DLGAP1: variants seen among roughly 807,000 people sequenced by gnomAD.
The protein encoded by DLGAP1 is disks large-associated protein 1.
In DLGAP1, 11 loss-of-function variants were observed where a neutral mutation model predicts 90.8. That is an observed-to-expected ratio of 0.12 (90% CI 0.08 to 0.20). The LOEUF (loss-of-function observed/expected upper bound fraction) is 0.20, where lower values mean the gene tolerates loss of function less well. Among genes scored for constraint, DLGAP1 ranks in the 10% least tolerant of loss-of-function variants. DLGAP1 has a pLI of 1.00. For synonymous variants in DLGAP1, 558 were observed against 540.7 expected (o/e 1.03, Z -0.44); for missense variants, 1,050 against 1,333.8 (o/e 0.79, Z 3.31).
At chr18:3,813,535 A>G (rs1409020601) in intron 5 of DLGAP1, among the ~76,000 whole-genome samples, 2 of 152,196 alleles carry the variant, frequency 1.3e-5, no homozygotes, top group African/African-American at 4.8e-5. Context: ...ATTGTAATAC[A>G]TATCGAGTGC....
chr18:3,968,123 G>A (rs1254348237), intron 3 of DLGAP1, among the ~76,000 whole-genome samples: 1 of 152,156 alleles, frequency 6.6e-6, no homozygotes, highest in Non-Finnish European at 1.5e-5. Context: ...TTTTGATCAT[G>A]TTTAGATGAA....
chr18:3,878,162 A>T (rs1016973034), intron 4 of DLGAP1: 1 of 146,884 alleles, frequency 6.8e-6, no homozygotes, highest in African/African-American at 2.5e-5. Context: ...TAGCTCAGTA[A>T]TTTTTTTTTT....
intron 7 of DLGAP1, among the ~76,000 whole-genome samples, chr18:3,626,363 G>A (rs1023317014): frequency 1.3e-5 from 2 of 151,866 alleles, no homozygotes; most frequent in Non-Finnish European, 2.9e-5. Flanking sequence ...GGAGGCTGAG[G>A]TGGGAGGATT....
At chr18:4,369,053 T>A (rs934787428) in intron 1 of DLGAP1, among the ~76,000 whole-genome samples, 3 of 152,172 alleles carry the variant, frequency 2.0e-5, no homozygotes, top group African/African-American at 7.2e-5. Flanking sequence ...CAGCTCTTTT[T>A]ATCAGGGAAG....
chr18:4,335,670 G>A (rs2081053780), intron 1 of DLGAP1, among the ~76,000 whole-genome samples: 1 of 152,114 alleles, frequency 6.6e-6, no homozygotes, highest in Non-Finnish European at 1.5e-5. Flanking sequence ...TCACATCCAA[G>A]CTTATGCACT....
chr18:3,593,802 C>T (rs1444442254), intron 7 of DLGAP1: 1 of 152,134 alleles, frequency 6.6e-6, no homozygotes, highest in Non-Finnish European at 1.5e-5. Context: ...ACTGGCTGCG[C>T]TGCTAATCAA....
chr18:4,037,563 A>T (rs537477974), intron 2 of DLGAP1, among the ~76,000 whole-genome samples: 15 of 152,284 alleles, frequency 9.9e-5, no homozygotes, highest in Non-Finnish European at 5.9e-5. Context: ...CTTTGTTCTG[A>T]GCTGCGCCAT....
intron 1 of DLGAP1, among the ~76,000 whole-genome samples, chr18:4,292,532 TTATAA>T (rs1206368455): frequency 3.5e-4 from 54 of 152,198 alleles, no homozygotes; most frequent in Admixed American, 6.5e-4. Flanking sequence ...TTTGCTCATA[TTATAA>T]TATACTTTAC....
chr18:3,792,682 C>G lies in DLGAP1; in HGVS notation c.1172+21377G>C, dbSNP rs535077288. The stretch of plus-strand genomic sequence containing the variant: ...ACCTGACAATGTGTGGCACCACCAT[C>G]TGCGGCCACACCTCACCATACAGGC... On this transcript the variant is annotated intron_variant, in intron 5 of 12. Transcript: ENST00000315677. 2.6e-5 allele frequency among the ~76,000 whole-genome samples: 4 copies of G among 152,324 alleles called. No homozygotes were observed. In the East Asian group the frequency reaches 7.7e-4, roughly 29 times the overall value.
intron 4 of DLGAP1, among the ~76,000 whole-genome samples, chr18:3,838,131 T>C (rs1401508057): frequency 1.3e-5 from 2 of 152,152 alleles, no homozygotes; most frequent in African/African-American, 2.4e-5. Flanking sequence ...CTTCAGTTAG[T>C]GAATGAAAGA....
At chr18:3,752,706 G>A (rs936503978) in intron 5 of DLGAP1, among the ~76,000 whole-genome samples, 3 of 146,384 alleles carry the variant, frequency 2.0e-5, no homozygotes, top group African/African-American at 7.6e-5. Flanking sequence ...GCAGTGGCAT[G>A]ATCACAGCTC....
intron 1 of DLGAP1, among the ~76,000 whole-genome samples, chr18:4,438,514 G>A: frequency 6.9e-6 from 1 of 144,516 alleles, no homozygotes; most frequent in South Asian, 2.2e-4. Flanking sequence ...AATCTCTCAT[G>A]CCCCCTCCTA....
At chr18:4,368,723 T>C (rs560533422) in intron 1 of DLGAP1, among the ~76,000 whole-genome samples, 176 of 152,046 alleles carry the variant, frequency 1.2e-3, no homozygotes, top group Non-Finnish European at 2.0e-3. Flanking sequence ...ATGACTACTG[T>C]AGATTTATAT....
At chr18:4,195,990 C>T (rs894285645) in intron 1 of DLGAP1, among the ~76,000 whole-genome samples, 2 of 152,162 alleles carry the variant, frequency 1.3e-5, no homozygotes, top group African/African-American at 2.4e-5. Flanking sequence ...TTGTAATCAT[C>T]AGTTGGTTAG....
chr18:4,188,605 G>A (rs2077340596), intron 1 of DLGAP1, among the ~76,000 whole-genome samples: 1 of 152,096 alleles, frequency 6.6e-6, no homozygotes, highest in African/African-American at 2.4e-5. Flanking sequence ...TGAGGGTGAT[G>A]GTTTCCAGCT....
At position 3,561,538 on chromosome 18, in the gene DLGAP1, G is replaced by A. The variant is rs560275243; in HGVS notation, c.2057+5952C>T. Among the ~76,000 whole-genome samples, 3 of 148,126 alleles carry A rather than the reference G, an allele frequency of 2.0e-5. No homozygotes were observed. In the South Asian group the frequency reaches 6.3e-4, roughly 31 times the overall value. ...TCAGAAGAACTTCTTAACATTTCTTGAAGGTCTGCTGGCAACAAATTCCCT... is the reference window on the plus strand; with the variant it reads ...TCAGAAGAACTTCTTAACATTTCTTAAAGGTCTGCTGGCAACAAATTCCCT... On this transcript the variant is annotated intron_variant, in intron 9 of 12. Coordinates refer to ENST00000315677, the MANE Select transcript of DLGAP1 (RefSeq NM_004746.4).
At chr18:3,736,701 T>A (rs2062652752) in intron 6 of DLGAP1, among the ~76,000 whole-genome samples, 1 of 152,144 alleles carries the variant, frequency 6.6e-6, no homozygotes, top group South Asian at 2.1e-4. Context: ...CAACAGGACG[T>A]TTGAAATTAT....
chr18:3,810,736 CT>C (rs1189836105), intron 5 of DLGAP1, among the ~76,000 whole-genome samples: 1 of 151,982 alleles, frequency 6.6e-6, no homozygotes, highest in African/African-American at 2.4e-5. Context: ...CATGTCATGT[CT>C]GAATTTTTGC....
intron 2 of DLGAP1, among the ~76,000 whole-genome samples, chr18:4,116,350 G>A (rs891660277): frequency 3.9e-5 from 6 of 152,142 alleles, no homozygotes; most frequent in African/African-American, 1.4e-4. Context: ...CCTACTTGGA[G>A]TTTATTGAGC....
Sources: gnomAD v4.1 joint callset for allele counts (sites outside exome capture counted in the v4.1 genomes callset) on GRCh38, gnomAD v4.1.1 for gene constraint, MANE v1.5 for transcripts, NCBI Gene and HGNC (gene_info 2026-07-23, HGNC 2026-07-21) for gene names.